The following RARA variants were observed in gnomAD, a reference collection of about 807,000 sequenced individuals.
RARA encodes the protein PML-DDX5-RARA fusion.
RARA carries 5 observed loss-of-function variants against 42.8 expected under a neutral mutation model. That is an observed-to-expected ratio of 0.12 (90% CI 0.06 to 0.25). The LOEUF (loss-of-function observed/expected upper bound fraction) is 0.25, where lower values mean the gene tolerates loss of function less well. RARA is among the 10% of genes least tolerant of loss of function. The probability of loss-of-function intolerance (pLI) is 1.00; values close to 1 mark genes in which losing one functional copy is unlikely to be tolerated. For missense variants in RARA, 402 were observed against 628.7 expected, an observed-to-expected ratio of 0.64 and a Z score of 3.86; for synonymous variants, 256 against 259.5, an observed-to-expected ratio of 0.99 and a Z score of 0.13.
chr17:40,327,804 C>T (rs1022977080), intron 1 of RARA, among the ~76,000 whole-genome samples: 1 of 152,196 alleles, frequency 6.6e-6, no homozygotes, highest in African/African-American at 2.4e-5. Flanking sequence ...TGAGGTTCTG[C>T]CAGCCTCTTC....
Position 40,354,260 on chromosome 17 carries a change from G to T in RARA, c.808-42G>T. On this transcript the variant is annotated intron_variant, in intron 6 of 8. Transcript: ENST00000254066. This position sits in a 1 kb window ranked among gnomAD's most constrained non-coding sequence, Gnocchi z 4.5. ...TGCTGGTGCCGAGTGCTCAGAGTGG[G>T]TTCGGGTTCAGTCCCTGAACCCAAG... 1 of 1,597,602 alleles carries T rather than the reference G, an allele frequency of 6.3e-7. No individual in the cohort carries two copies.
rs1231309064 is a variant in RARA at position 40,354,592 on chromosome 17, T to A, written c.1012+86T>A. On this transcript the variant is annotated intron_variant, in intron 7 of 8. Coordinates refer to ENST00000254066, the MANE Select transcript of RARA (RefSeq NM_000964.4). This position sits in a 1 kb window ranked among gnomAD's most constrained non-coding sequence, Gnocchi z 4.5. ...TTCCAGGGAGCTCTTTCAGGCCACC[T>A]CTGTTAGGTATCTCTAGAGGGCAGG... 1.4e-6 allele frequency: 2 copies of A among 1,459,798 alleles called. No homozygotes were observed. The highest frequency in any genetic ancestry group is 1.9e-6 in the Non-Finnish European group (2 of 1,073,056). The allele number at this position is 1,459,798 out of a possible 1,614,324, so 90.4% of individuals were successfully genotyped here.
At chr17:40,343,118 C>A in intron 2 of RARA, 1 of 587,740 alleles carries the variant, frequency 1.7e-6, no homozygotes, top group Non-Finnish European at 2.5e-6. Flanking sequence ...AACATTCCTT[C>A]ATCTCTTGTT....
At chr17:40,335,358 T>G (rs1043958720) in intron 2 of RARA, among the ~76,000 whole-genome samples, 1 of 152,004 alleles carries the variant, frequency 6.6e-6, no homozygotes, top group African/African-American at 2.4e-5. Flanking sequence ...GGGGTCTGAC[T>G]GGGGGCTGTG....
intron 2 of RARA, among the ~76,000 whole-genome samples, chr17:40,337,322 T>C (rs2033884069): frequency 6.6e-6 from 1 of 152,224 alleles, no homozygotes; most frequent in Non-Finnish European, 1.5e-5. Flanking sequence ...CCTTCCCCAC[T>C]GTAGAGGCCC....
chr17:40,341,870 C>A, intron 2 of RARA: 1 of 1,006,208 alleles, frequency 9.9e-7, no homozygotes, highest in Non-Finnish European at 1.3e-6. Context: ...CCGTCCTTGT[C>A]CCCTCGCAGC....
intron 2 of RARA, 65 bp from the exon 3 acceptor site, chr17:40,348,251 G>T: frequency 3.4e-6 from 5 of 1,476,752 alleles, no homozygotes; most frequent in Non-Finnish European, 4.5e-6. Context: ...GTGAGGCAGG[G>T]TGGAGCTTGG....
intron 1 of RARA, among the ~76,000 whole-genome samples, chr17:40,316,999 G>A (rs1220764362): frequency 2.0e-5 from 3 of 152,250 alleles, no homozygotes; most frequent in Non-Finnish European, 4.4e-5. Context: ...ACCTTACCAT[G>A]GCTCTTGGGC....
chr17:40,356,281 T>G lies in RARA; in HGVS notation c.*55T>G. 6.6e-7 allele frequency: 1 copy of G among 1,513,208 alleles called. No homozygotes were observed. Among genetic ancestry groups the G allele is most frequent in the East Asian group, 2.5e-5 (1 of 40,758 alleles). The allele number at this position is 1,513,208 out of a possible 1,614,324, so 93.7% of individuals were successfully genotyped here. On this transcript the variant is annotated 3_prime_UTR_variant, in exon 9 of 9. Coordinates refer to ENST00000254066, the MANE Select transcript of RARA (RefSeq NM_000964.4). ...CCCTCCGCCCCGGCTTTTCTCTGCC[T>G]TTCTACCGACCATGTGACCCCGCAC...
Position 40,354,622 on chromosome 17 carries a change from G to A in RARA, c.1012+116G>A. 2 of 1,248,892 alleles carry A rather than the reference G, an allele frequency of 1.6e-6. No individual in the cohort carries two copies. The highest frequency in any genetic ancestry group is 2.2e-6 in the Non-Finnish European group (2 of 912,034). The allele number at this position is 1,248,892 out of a possible 1,614,324, so 77.4% of individuals were successfully genotyped here. A position where few individuals can be genotyped will look rare whatever the true frequency, so the allele number is the denominator to read the frequency against. Reference sequence around the variant, plus strand: ...TAGGTATCTCTAGAGGGCAGGGTCTGGTCTGCAACTACACAGCAAGGGGGC... The same window carrying A: ...TAGGTATCTCTAGAGGGCAGGGTCTAGTCTGCAACTACACAGCAAGGGGGC... On this transcript the variant is annotated intron_variant, in intron 7 of 8. Transcript: ENST00000254066. This position sits in a 1 kb window ranked among gnomAD's most constrained non-coding sequence, Gnocchi z 4.5.
chr17:40,357,434 C>T lies in RARA; in HGVS notation c.*1208C>T. On this transcript the variant is annotated 3_prime_UTR_variant, in exon 9 of 9. Transcript: ENST00000254066. ...GGCCTGCCCCCCACCCCCAACCTGT[C>T]CCACCCCCGTGCCCCCTCCTTACCC... is the stretch of plus-strand genomic sequence containing the variant. The T allele has an allele frequency of 6.9e-6, 1 of 145,160 alleles. No individual in the cohort carries two copies. The highest frequency in any genetic ancestry group is 1.5e-4 in the East Asian group (1 of 6,620). 9.0% of individuals were successfully genotyped at this position (145,160 alleles called of 1,614,324 possible).
intron 2 of RARA, among the ~76,000 whole-genome samples, chr17:40,333,482 G>C (rs1338878607): frequency 1.3e-5 from 2 of 151,816 alleles, no homozygotes; most frequent in Non-Finnish European, 2.9e-5. Flanking sequence ...ACAGGTGCGT[G>C]TCACCACACC....
chr17:40,315,158 A>ATG (rs2033180104), intron 1 of RARA, among the ~76,000 whole-genome samples: 1 of 135,874 alleles, frequency 7.4e-6, no homozygotes, highest in South Asian at 2.3e-4. Flanking sequence ...ATATATATAT[A>ATG]TATATATATA....
In RARA at chr17:40,357,011, C is replaced by T; in HGVS notation, c.*785C>T. 1 of 387,970 alleles carries T rather than the reference C, an allele frequency of 2.6e-6. No individual in the cohort carries two copies. The highest frequency in any genetic ancestry group is 2.6e-5 in the South Asian group (1 of 38,686). The allele number at this position is 387,970 out of a possible 1,614,324, so 24.0% of individuals were successfully genotyped here. On this transcript the variant is annotated 3_prime_UTR_variant, in exon 9 of 9. Coordinates refer to ENST00000254066, the MANE Select transcript of RARA (RefSeq NM_000964.4). Reference sequence around the variant, plus strand: ...AAGGCCTGCCTTCCCCTCCCTCCCACTGGAGAAGCCGCCAGCCCCTTTCTC... The same window carrying T: ...AAGGCCTGCCTTCCCCTCCCTCCCATTGGAGAAGCCGCCAGCCCCTTTCTC...
chr17:40,352,328 C>A lies in RARA; in HGVS notation c.631-3C>A, dbSNP rs780913888. 6.3e-6 allele frequency: 10 copies of A among 1,595,768 alleles called. 1 individual carries two copies. The African/African-American group carries it at 6.7e-5, about 11-fold the overall frequency. On this transcript the variant is annotated splice_polypyrimidine_tract_variant and splice_region_variant and intron_variant, in intron 5 of 8. Transcript: ENST00000254066. This position sits in a 1 kb window ranked among gnomAD's most constrained non-coding sequence, Gnocchi z 4.9. ...AAGGCCCTCACTCTCCCTCCTCCCC[C>A]AGAACAACAGCTCAGAACAACGTGT...
intron 2 of RARA, chr17:40,342,158 G>GGGGC: frequency 9.7e-7 from 1 of 1,029,508 alleles, no homozygotes; most frequent in South Asian, 4.6e-5. Flanking sequence ...GGGTGGGGGG[G>GGGGC]CCGTGGCGCG....
intron 1 of RARA, among the ~76,000 whole-genome samples, chr17:40,317,092 C>T (rs1315521099): frequency 6.6e-6 from 1 of 152,266 alleles, no homozygotes; most frequent in Non-Finnish European, 1.5e-5. Context: ...AGTGCCTGCT[C>T]TTGGACTCTC....
chr17:40,345,674 T>C lies in RARA; in HGVS notation c.179-2642T>C, dbSNP rs545604799. On this transcript the variant is annotated intron_variant, in intron 2 of 8. Coordinates refer to ENST00000254066, the MANE Select transcript of RARA (RefSeq NM_000964.4). This position sits in a 1 kb window ranked among gnomAD's most constrained non-coding sequence, Gnocchi z 4.8. Reference sequence around the variant, plus strand: ...GTGGTCCTTCTCTAGCCCGAGTCCTTCTGCAGGAAGAGGAGAGATTGGTGG... The same window carrying C: ...GTGGTCCTTCTCTAGCCCGAGTCCTCCTGCAGGAAGAGGAGAGATTGGTGG... Among the ~76,000 whole-genome samples, 11 of 152,342 alleles carry C rather than the reference T, an allele frequency of 7.2e-5. No individual in the cohort carries two copies. Among genetic ancestry groups the C allele is most frequent in the African/African-American group, 2.2e-4 (9 of 41,574 alleles).
chr17:40,328,491 A>G (rs1286100078), intron 1 of RARA, among the ~76,000 whole-genome samples: 1 of 152,190 alleles, frequency 6.6e-6, no homozygotes, highest in Non-Finnish European at 1.5e-5. Context: ...TGGTTTTAGT[A>G]TATTCAGAGT....
Sources: gnomAD v4.1 joint callset for allele counts (sites outside exome capture counted in the v4.1 genomes callset) on GRCh38, gnomAD v4.1.1 for gene constraint, Gnocchi (gnomAD v3.1) non-coding constraint, MANE v1.5 for transcripts, NCBI Gene and HGNC (gene_info 2026-07-23, HGNC 2026-07-21) for gene names.